The following SH3KBP1 variants were observed in gnomAD, a reference collection of about 807,000 sequenced individuals.
SH3KBP1 encodes the protein SH3 domain-containing kinase-binding protein 1.
A neutral mutation model predicts 50.1 loss-of-function variants in SH3KBP1; 8 were observed. The observed-to-expected ratio is 0.16, with a 90% CI of 0.09 to 0.29. The LOEUF is 0.29. SH3KBP1 is among the 10% of genes least tolerant of loss of function. SH3KBP1 has a pLI of 1.00. For missense variants in SH3KBP1, 377 were observed against 535.2 expected (o/e 0.70, Z 2.92); for synonymous variants, 227 against 218.6 (o/e 1.04, Z -0.34).
intron 13 of SH3KBP1, among the ~76,000 whole-genome samples, chrX:19,551,304 G>A (rs1037070177): frequency 9.0e-5 from 10 of 110,519 alleles, no homozygotes; most frequent in Admixed American, 1.9e-4. Flanking sequence ...CATCAGTGGC[G>A]CTCTGAAGCC....
Position 19,534,947 on chromosome X carries a change from C to G in SH3KBP1, c.*1470G>C, listed in dbSNP as rs1479563479. On this transcript the variant is annotated 3_prime_UTR_variant, in exon 18 of 18. Coordinates refer to ENST00000397821, the MANE Select transcript of SH3KBP1 (RefSeq NM_031892.3). ...CATCACTTCTTCGGTATTATCAACT[C>G]TCATTCTTTGTGGCTGTGCAAATCT... 3.4e-6 allele frequency: 1 copy of G among 296,104 alleles called. No homozygotes were observed. The highest frequency in any genetic ancestry group is 5.9e-6 in the Non-Finnish European group (1 of 170,174). 24.4% of individuals were successfully genotyped at this position (296,104 alleles called of 1,213,427 possible). A position where few individuals can be genotyped will look rare whatever the true frequency, so the allele number is the denominator to read the frequency against.
chrX:19,876,891 AGT>A (rs1476447337), intron 1 of SH3KBP1, among the ~76,000 whole-genome samples: 2 of 112,071 alleles, frequency 1.8e-5, no homozygotes, highest in African/African-American at 6.5e-5. Context: ...AGATGAAGAC[AGT>A]GTGAACTGCT....
chrX:19,743,459 G>GA (rs903890903), intron 3 of SH3KBP1, among the ~76,000 whole-genome samples: 4 of 107,339 alleles, frequency 3.7e-5, no homozygotes, highest in South Asian at 4.0e-4. Flanking sequence ...AAGAAAGAAA[G>GA]AAAAAAAAAG....
intron 1 of SH3KBP1, among the ~76,000 whole-genome samples, chrX:19,866,054 A>G (rs937329516): frequency 6.2e-5 from 7 of 112,024 alleles, no homozygotes; most frequent in African/African-American, 2.3e-4. Flanking sequence ...AAGAGGAAAA[A>G]AGAAGAAAAA....
Position 19,687,602 on chromosome X carries a change from G to A in SH3KBP1, c.521-3574C>T, listed in dbSNP as rs751384451. On this transcript the variant is annotated intron_variant, in intron 5 of 17. Coordinates refer to ENST00000397821, the MANE Select transcript of SH3KBP1 (RefSeq NM_031892.3). ...CTTATCTTTACAATTGCCTTCTGCT[G>A]TTAAGGTCACTCACTGTAATAGCGT... 9 of 1,185,486 alleles carry A rather than the reference G, an allele frequency of 7.6e-6. No individual in the cohort carries two copies. The East Asian group carries it at 2.4e-4, about 31-fold the overall frequency.
rs745541135 is a variant in SH3KBP1 at position 19,594,995 on chromosome X, G to A, written c.1011C>T (p.Pro337=). The A allele has an allele frequency of 8.4e-7, 1 of 1,194,048 alleles. No homozygotes were observed. Among genetic ancestry groups the A allele is most frequent in the Non-Finnish European group, 1.1e-6 (1 of 879,677 alleles). ...GAGCGGATGGAGGCGGTGGCTTCTT[G>A]GGTCTCTGAAAAATTAATAAAAATT... The part of the protein sequence containing the change: ...PPDFEKEGNR[P]KKPPPPSAPV... Residue 337 remains proline (P), a synonymous_variant, in exon 10 of 18, where the codon CCC becomes CCT. Transcript: ENST00000397821.
intron 4 of SH3KBP1, among the ~76,000 whole-genome samples, chrX:19,701,737 T>C (rs2063540895): frequency 8.9e-6 from 1 of 112,298 alleles, no homozygotes; most frequent in African/African-American, 3.2e-5. Context: ...TAGCTGTGTA[T>C]ATCTTGCCCT....
At chrX:19,660,988 T>G (rs1269750379) in intron 6 of SH3KBP1, among the ~76,000 whole-genome samples, 1 of 112,460 alleles carries the variant, frequency 8.9e-6, no homozygotes, top group African/African-American at 3.2e-5. Context: ...ACATGAAAAG[T>G]TGAATTCATA....
intron 1 of SH3KBP1, among the ~76,000 whole-genome samples, chrX:19,858,003 AC>A (rs1225643027): frequency 2.7e-5 from 3 of 109,716 alleles, no homozygotes; most frequent in African/African-American, 1.0e-4. Context: ...ACATGGCGAA[AC>A]CCTGTCTCTA....
intron 13 of SH3KBP1, among the ~76,000 whole-genome samples, chrX:19,561,807 T>C (rs1441096080): frequency 1.8e-5 from 2 of 108,361 alleles, no homozygotes; most frequent in Admixed American, 9.8e-5. Context: ...GTCTCCCAAA[T>C]TGAAAGCCTT....
chrX:19,603,235 T>C (rs1341351180), intron 9 of SH3KBP1, among the ~76,000 whole-genome samples: 1 of 112,248 alleles, frequency 8.9e-6, no homozygotes. Flanking sequence ...GCCAGACCCT[T>C]GGTAAGAACA....
intron 13 of SH3KBP1, among the ~76,000 whole-genome samples, chrX:19,551,646 G>C (rs1304680544): frequency 9.4e-6 from 1 of 106,517 alleles, no homozygotes; most frequent in African/African-American, 3.5e-5. Context: ...CTGGACTCAG[G>C]TGATTCTTCC....
chrX:19,646,131 T>C (rs996016623), intron 6 of SH3KBP1, among the ~76,000 whole-genome samples: 1 of 112,217 alleles, frequency 8.9e-6, no homozygotes, highest in African/African-American at 3.2e-5. Context: ...TATAGTCTTT[T>C]AAGCCTCCAA....
intron 9 of SH3KBP1, among the ~76,000 whole-genome samples, chrX:19,604,639 C>T (rs1314710784): frequency 2.7e-5 from 3 of 111,544 alleles, no homozygotes; most frequent in African/African-American, 6.5e-5. Flanking sequence ...ATAGTGCCTT[C>T]GTGTTAATGA....
At chrX:19,637,642 A>T (rs1276035631) in intron 7 of SH3KBP1, among the ~76,000 whole-genome samples, 3 of 111,182 alleles carry the variant, frequency 2.7e-5, no homozygotes, top group Non-Finnish European at 5.7e-5. Context: ...CATCCCTGAT[A>T]AGAATTTTGT....
chrX:19,819,548 C>T (rs1031599131), intron 2 of SH3KBP1, among the ~76,000 whole-genome samples: 7 of 110,560 alleles, frequency 6.3e-5, no homozygotes, highest in African/African-American at 2.3e-4. Flanking sequence ...TAGTGTCTTG[C>T]TATGCTGCCC....
chrX:19,623,048 A>G (rs2067893257), intron 8 of SH3KBP1, among the ~76,000 whole-genome samples: 1 of 107,352 alleles, frequency 9.3e-6, no homozygotes, highest in Admixed American at 1.0e-4. Context: ...GACTCAAAAA[A>G]AAAAAAAAAA....
intron 12 of SH3KBP1, among the ~76,000 whole-genome samples, chrX:19,587,126 G>A (rs1410340805): frequency 1.8e-5 from 2 of 109,037 alleles, no homozygotes; most frequent in African/African-American, 6.7e-5. Flanking sequence ...GGAGGCTGGG[G>A]CAGGTGAATC....
chrX:19,791,108 C>T (rs1281127085), intron 2 of SH3KBP1, among the ~76,000 whole-genome samples: 1 of 111,558 alleles, frequency 9.0e-6, no homozygotes, highest in East Asian at 2.8e-4. Context: ...GACATGGTCT[C>T]CTAACCAACT....
Sources: gnomAD v4.1 joint callset for allele counts (sites outside exome capture counted in the v4.1 genomes callset) on GRCh38, gnomAD v4.1.1 for gene constraint, MANE v1.5 for transcripts, NCBI Gene and HGNC (gene_info 2026-07-23, HGNC 2026-07-21) for gene names.